Variants in SNX3 observed in about 807,000 individuals in gnomAD.
SNX3 encodes the protein sorting nexin-3.
In SNX3, 5 loss-of-function variants were observed where a neutral mutation model predicts 17.7. The observed-to-expected ratio is 0.28, with a 90% CI of 0.15 to 0.59. SNX3 has a LOEUF of 0.59. Ranked by LOEUF, SNX3 falls within the 20% of genes least tolerant of loss-of-function variation. The probability of loss-of-function intolerance (pLI) is 0.88; values close to 1 mark genes in which losing one functional copy is unlikely to be tolerated. For synonymous variants in SNX3, 91 were observed against 76.5 expected, an observed-to-expected ratio of 1.19 and a Z score of -0.99; for missense variants, 132 against 206.8, an observed-to-expected ratio of 0.64 and a Z score of 2.22.
chr6:108,253,872 T>C (rs1402548061), intron 1 of SNX3, among the ~76,000 whole-genome samples: 1 of 152,062 alleles, frequency 6.6e-6, no homozygotes, highest in Non-Finnish European at 1.5e-5. Flanking sequence ...ACGCCTGTAA[T>C]TCCAGCACTT....
intron 1 of SNX3, among the ~76,000 whole-genome samples, chr6:108,259,988 C>A (rs1776140687): frequency 6.6e-6 from 1 of 152,186 alleles, no homozygotes; most frequent in African/African-American, 2.4e-5. Flanking sequence ...TCTTTCAAAT[C>A]ATCTAAATTA....
chr6:108,238,523 G>C (rs1288610728), intron 1 of SNX3, among the ~76,000 whole-genome samples: 1 of 152,018 alleles, frequency 6.6e-6, no homozygotes, highest in Admixed American at 6.6e-5. Flanking sequence ...CCAGCTACTA[G>C]GGAGCCTGAG....
intron 1 of SNX3, among the ~76,000 whole-genome samples, chr6:108,240,965 A>T (rs1775499724): frequency 6.6e-6 from 1 of 151,590 alleles, no homozygotes; most frequent in Admixed American, 6.6e-5. Context: ...ACACGGTGAA[A>T]CCCTGTCTCT....
At chr6:108,214,976 A>G (rs1016312404) in intron 2 of SNX3, among the ~76,000 whole-genome samples, 1 of 152,264 alleles carries the variant, frequency 6.6e-6, no homozygotes, top group Non-Finnish European at 1.5e-5. Context: ...CCTTATTGCA[A>G]TGGAAACTGC....
intron 1 of SNX3, among the ~76,000 whole-genome samples, chr6:108,254,837 T>C (rs779088016): frequency 5.9e-5 from 9 of 152,138 alleles, no homozygotes; most frequent in Admixed American, 1.3e-4. Flanking sequence ...ATGAGGCTCT[T>C]AAAGGAAGCC....
At chr6:108,230,092 C>T (rs1385482958) in intron 1 of SNX3, among the ~76,000 whole-genome samples, 1 of 151,512 alleles carries the variant, frequency 6.6e-6, no homozygotes, top group African/African-American at 2.4e-5. Flanking sequence ...CAGCAAAAAT[C>T]CCTTAAAGGT....
intron 1 of SNX3, among the ~76,000 whole-genome samples, chr6:108,250,359 T>C (rs979512655): frequency 1.3e-5 from 2 of 152,214 alleles, no homozygotes; most frequent in African/African-American, 4.8e-5. Context: ...TCTGCCCTTA[T>C]AGAGTAAAAG....
intron 1 of SNX3, among the ~76,000 whole-genome samples, chr6:108,244,421 C>T (rs1051019021): frequency 6.6e-6 from 1 of 152,166 alleles, no homozygotes; most frequent in Non-Finnish European, 1.5e-5. Context: ...TTCCAAAGTG[C>T]TGGCATTACA....
Position 108,236,452 on chromosome 6 carries a change from C to T in SNX3, c.163-13407G>A, listed in dbSNP as rs976283609. 2.0e-3 allele frequency among the ~76,000 whole-genome samples: 289 copies of T among 145,770 alleles called. 1 individual carries two copies. Among genetic ancestry groups the T allele is most frequent in the African/African-American group, 6.7e-3 (268 of 39,742 alleles). The stretch of plus-strand genomic sequence containing the variant: ...AGGCTGGAGTGCAGTGGCGGGATCT[C>T]GGCTCACTGCAAGCTCCGCCTCCTG... On this transcript the variant is annotated intron_variant, in intron 1 of 3. Coordinates refer to ENST00000230085, the MANE Select transcript of SNX3 (RefSeq NM_003795.6).
intron 2 of SNX3, among the ~76,000 whole-genome samples, chr6:108,218,598 C>T (rs1278899185): frequency 6.6e-6 from 1 of 152,030 alleles, no homozygotes; most frequent in Non-Finnish European, 1.5e-5. Context: ...CAATAACAGC[C>T]AAAAAGTAGA....
chr6:108,240,472 G>A (rs1369517983), intron 1 of SNX3, among the ~76,000 whole-genome samples: 2 of 152,160 alleles, frequency 1.3e-5, no homozygotes, highest in South Asian at 2.1e-4. Flanking sequence ...ACACGCCCTG[G>A]CCTCCCAAAG....
intron 1 of SNX3, among the ~76,000 whole-genome samples, chr6:108,239,209 A>T (rs1183869052): frequency 6.6e-6 from 1 of 151,902 alleles, no homozygotes; most frequent in African/African-American, 2.4e-5. Flanking sequence ...AGCCCTTGAC[A>T]CCTTTTCTGA....
chr6:108,238,834 G>A (rs771743141), intron 1 of SNX3, among the ~76,000 whole-genome samples: 10 of 151,934 alleles, frequency 6.6e-5, no homozygotes, highest in Non-Finnish European at 1.3e-4. Context: ...ACAAACATAT[G>A]TAAGTATAAT....
At chr6:108,239,800 G>A (rs1775463136) in intron 1 of SNX3, among the ~76,000 whole-genome samples, 1 of 152,150 alleles carries the variant, frequency 6.6e-6, no homozygotes, top group Non-Finnish European at 1.5e-5. Flanking sequence ...TCTACTAAAT[G>A]AGCATTTAAT....
intron 1 of SNX3, among the ~76,000 whole-genome samples, chr6:108,246,664 TA>T (rs1775702082): frequency 3.9e-5 from 6 of 152,040 alleles, no homozygotes; most frequent in Admixed American, 3.9e-4. Flanking sequence ...GTATTTTTTT[TA>T]TTCTTTTGCC....
At chr6:108,252,404 T>A (rs1775892330) in intron 1 of SNX3, 1 of 153,014 alleles carries the variant, frequency 6.5e-6, no homozygotes, top group Non-Finnish European at 1.5e-5. Flanking sequence ...GGCAAAAGTC[T>A]ATGGCCATTC....
At chr6:108,257,863 C>T (rs1260414203) in intron 1 of SNX3, among the ~76,000 whole-genome samples, 2 of 152,070 alleles carry the variant, frequency 1.3e-5, no homozygotes, top group Non-Finnish European at 2.9e-5. Flanking sequence ...ACTTGGGCGG[C>T]TGAGGCAGGA....
chr6:108,218,770 T>C (rs1034309553), intron 2 of SNX3, among the ~76,000 whole-genome samples: 19 of 152,232 alleles, frequency 1.2e-4, no homozygotes, highest in African/African-American at 3.4e-4. Context: ...AGATCACATA[T>C]TGTGGGCTTC....
At chr6:108,214,435 A>T (rs1342324363) in intron 3 of SNX3, 63 bp downstream of exon 3, 7 of 1,509,654 alleles carry the variant, frequency 4.6e-6, no homozygotes, top group Non-Finnish European at 6.3e-6. Flanking sequence ...GTTTAGCTTA[A>T]CATCTAAACT....
Sources: allele counts gnomAD v4.1 joint callset (sites outside exome capture counted in the v4.1 genomes callset), GRCh38; gene constraint gnomAD v4.1.1; transcripts MANE v1.5; gene names NCBI Gene and HGNC (gene_info 2026-07-23, HGNC 2026-07-21).